SLC39A8: variants seen among roughly 807,000 people sequenced by gnomAD.
The protein encoded by SLC39A8 is solute carrier family 39 member 8.
Under a neutral mutation model 40.4 loss-of-function variants are expected in SLC39A8, and 15 were observed. The observed-to-expected ratio is 0.37, with a 90% CI of 0.25 to 0.57. The LOEUF (loss-of-function observed/expected upper bound fraction) is 0.57. SLC39A8 is among the 20% of genes least tolerant of loss of function. The probability of loss-of-function intolerance (pLI) is 0.75; values close to 1 mark genes in which losing one functional copy is unlikely to be tolerated. For synonymous variants in SLC39A8, 223 were observed against 221.6 expected, an observed-to-expected ratio of 1.01 and a Z score of -0.06; for missense variants, 472 against 558.8, an observed-to-expected ratio of 0.84 and a Z score of 1.57.
chr4:102,273,640 C>T (rs941049278), intron 6 of SLC39A8, among the ~76,000 whole-genome samples: 2 of 152,206 alleles, frequency 1.3e-5, no homozygotes, highest in African/African-American at 4.8e-5. Flanking sequence ...GACCCCTGTG[C>T]CTCCTGACTG....
intron 6 of SLC39A8, among the ~76,000 whole-genome samples, chr4:102,298,516 T>C (rs1234302173): frequency 6.6e-6 from 1 of 151,932 alleles, no homozygotes; most frequent in Non-Finnish European, 1.5e-5. Context: ...TAATTAATTG[T>C]TATTATAGGG....
intron 6 of SLC39A8, among the ~76,000 whole-genome samples, chr4:102,294,532 TC>T (rs1733596792): frequency 6.6e-6 from 1 of 152,024 alleles, no homozygotes; most frequent in African/African-American, 2.4e-5. Flanking sequence ...TTAGTAGGAA[TC>T]CCCCTACCCT....
chr4:102,305,356 C>T (rs1296520943), intron 4 of SLC39A8, among the ~76,000 whole-genome samples: 1 of 151,936 alleles, frequency 6.6e-6, no homozygotes, highest in Non-Finnish European at 1.5e-5. Flanking sequence ...GAGAATCTTA[C>T]AGTTTCCCAC....
Position 102,262,372 on chromosome 4 carries a change from T to G in SLC39A8, c.*672A>C. 1.0e-6 allele frequency: 1 copy of G among 985,566 alleles called. No homozygotes were observed. The highest frequency in any genetic ancestry group is 1.2e-6 in the Non-Finnish European group (1 of 829,928). 61.1% of individuals were successfully genotyped at this position (985,566 alleles called of 1,614,324 possible). On this transcript the variant is annotated 3_prime_UTR_variant, in exon 9 of 9. Coordinates refer to ENST00000356736, the MANE Select transcript of SLC39A8 (RefSeq NM_001135146.2). Reference sequence around the variant, plus strand: ...GCTTTTCGTGGAATCTGGTGAAGTTTATACTTAGCGATAAGCCTCTAAGCC... The same window carrying G: ...GCTTTTCGTGGAATCTGGTGAAGTTGATACTTAGCGATAAGCCTCTAAGCC...
At position 102,315,729 on chromosome 4, in the gene SLC39A8, TTGCTGTAAGAC is replaced by T. The variant is rs1195628424; in HGVS notation, c.310_320del (p.Val104IlefsTer7). On this transcript the variant is annotated frameshift_variant, in exon 3 of 9. Coordinates refer to ENST00000356736, the MANE Select transcript of SLC39A8 (RefSeq NM_001135146.2). LOFTEE classifies it high-confidence loss of function. ...GATCCTCACATGGGTGAAAGTTCAA[TTGCTGTAAGAC>T]TGCTGGACAGATGACAGAGAATTTG... is the stretch of plus-strand genomic sequence containing the variant. The T allele has an allele frequency of 1.2e-6, 2 of 1,613,186 alleles. No individual in the cohort carries two copies. The highest frequency in any genetic ancestry group is 1.7e-6 in the Non-Finnish European group (2 of 1,179,534).
chr4:102,345,002 C>A, intron 1 of SLC39A8, 87 bp from the exon 2 acceptor site: 1 of 861,512 alleles, frequency 1.2e-6, no homozygotes, highest in Non-Finnish European at 1.5e-6. Context: ...TGGCAGTAGC[C>A]CTCAAACGCC....
intron 6 of SLC39A8, among the ~76,000 whole-genome samples, chr4:102,293,729 G>A (rs2149026428): frequency 6.6e-6 from 1 of 151,986 alleles, no homozygotes; most frequent in South Asian, 2.1e-4. Flanking sequence ...AAAAATGTAA[G>A]CTGCAGCCTA....
intron 6 of SLC39A8, among the ~76,000 whole-genome samples, chr4:102,297,504 T>C (rs1733727776): frequency 6.6e-6 from 1 of 152,046 alleles, no homozygotes; most frequent in Non-Finnish European, 1.5e-5. Context: ...GTTGGACAGT[T>C]GTGGGAAAGA....
chr4:102,320,241 G>A (rs1260290906), intron 2 of SLC39A8, among the ~76,000 whole-genome samples: 2 of 129,448 alleles, frequency 1.5e-5, no homozygotes, highest in African/African-American at 6.0e-5. Flanking sequence ...ATATATATAT[G>A]AGAATATATA....
chr4:102,324,275 A>G, intron 2 of SLC39A8: 2 of 347,024 alleles, frequency 5.8e-6, no homozygotes, highest in Non-Finnish European at 1.2e-5. Flanking sequence ...CATGCCTGTA[A>G]TCCCAGCTAC....
intron 2 of SLC39A8, among the ~76,000 whole-genome samples, chr4:102,320,889 C>T (rs937482812): frequency 2.6e-5 from 4 of 151,450 alleles, no homozygotes; most frequent in African/African-American, 9.7e-5. Flanking sequence ...ACCACTTCGA[C>T]TGCTGTTAGG....
At chr4:102,261,658 A>G (rs1354701730), downstream of SLC39A8, 1 of 965,438 alleles carries the variant, frequency 1.0e-6, no homozygotes, top group African/African-American at 1.8e-5. Flanking sequence ...AACAAATGAC[A>G]CAATACATGG....
intron 4 of SLC39A8, among the ~76,000 whole-genome samples, chr4:102,306,155 T>C (rs1476987727): frequency 6.6e-6 from 1 of 152,046 alleles, no homozygotes; most frequent in African/African-American, 2.4e-5. Flanking sequence ...ACAGATTCTT[T>C]ATATTGTTAA....
intron 8 of SLC39A8, among the ~76,000 whole-genome samples, chr4:102,265,760 A>C (rs964980923): frequency 1.1e-4 from 16 of 152,342 alleles, no homozygotes; most frequent in African/African-American, 3.6e-4. Flanking sequence ...CAAGAGTAAA[A>C]GTACTGAAGT....
At chr4:102,286,733 C>A (rs968089410) in intron 6 of SLC39A8, among the ~76,000 whole-genome samples, 1 of 152,062 alleles carries the variant, frequency 6.6e-6, no homozygotes, top group Non-Finnish European at 1.5e-5. Flanking sequence ...TATAGCCAAG[C>A]CCATAGCAAA....
intron 3 of SLC39A8, among the ~76,000 whole-genome samples, chr4:102,312,348 T>C (rs1455049608): frequency 1.3e-5 from 2 of 152,080 alleles, no homozygotes; most frequent in Non-Finnish European, 1.5e-5. Flanking sequence ...TCTCTTTTTA[T>C]TGGGTTATCT....
At chr4:102,313,942 C>T (rs1283231160) in intron 3 of SLC39A8, among the ~76,000 whole-genome samples, 1 of 152,030 alleles carries the variant, frequency 6.6e-6, no homozygotes, top group Non-Finnish European at 1.5e-5. Flanking sequence ...TTGACCTCTC[C>T]TCTGAAAGCA....
intron 2 of SLC39A8, among the ~76,000 whole-genome samples, chr4:102,318,907 TGCTGTG>T (rs1734773874): frequency 6.6e-6 from 1 of 152,210 alleles, no homozygotes; most frequent in Admixed American, 6.5e-5. Context: ...CCCTGATGTT[TGCTGTG>T]GCCTTTTAAG....
At chr4:102,331,594 C>T (rs148394299) in intron 2 of SLC39A8, among the ~76,000 whole-genome samples, 1,953 of 152,124 alleles carry the variant, frequency 0.013, 49 homozygotes, top group African/African-American at 0.045. Context: ...TACTGCCCAA[C>T]GTAATTTATA....
Sources: allele counts gnomAD v4.1 joint callset (sites outside exome capture counted in the v4.1 genomes callset), GRCh38; gene constraint gnomAD v4.1.1; transcripts MANE v1.5; gene names NCBI Gene and HGNC (gene_info 2026-07-23, HGNC 2026-07-21).